OXCT1: variants seen among roughly 807,000 people sequenced by gnomAD.
OXCT1 encodes the protein succinyl-CoA:3-ketoacid coenzyme A transferase 1, mitochondrial.
Under a neutral mutation model 69.6 loss-of-function variants are expected in OXCT1, and 27 were observed. The ratio of observed to expected loss-of-function variants is 0.39; its 90% CI spans 0.29 to 0.54. The LOEUF is 0.54. OXCT1 is among the 20% of genes least tolerant of loss of function. The pLI is 0.72. For missense variants in OXCT1, 437 were observed against 650.2 expected, an observed-to-expected ratio of 0.67 and a Z score of 3.57; for synonymous variants, 202 against 217.8, an observed-to-expected ratio of 0.93 and a Z score of 0.64.
intron 13 of OXCT1, among the ~76,000 whole-genome samples, chr5:41,763,637 T>C (rs1239112559): frequency 6.6e-6 from 1 of 152,088 alleles, no homozygotes; most frequent in Non-Finnish European, 1.5e-5. Flanking sequence ...ATAAAATGTG[T>C]CAATCTGCTA....
At chr5:41,848,900 A>C (rs945614001) in intron 5 of OXCT1, among the ~76,000 whole-genome samples, 4 of 152,226 alleles carry the variant, frequency 2.6e-5, no homozygotes, top group Non-Finnish European at 5.9e-5. Flanking sequence ...TAAAACACCA[A>C]AAGCAATGGC....
chr5:41,869,250 A>G (rs1412775545), intron 1 of OXCT1, among the ~76,000 whole-genome samples: 2 of 152,196 alleles, frequency 1.3e-5, no homozygotes, highest in Non-Finnish European at 2.9e-5. Context: ...TGCAGGAAAG[A>G]GCAATGGGGC....
At chr5:41,800,407 C>T (rs1478774577) in intron 11 of OXCT1, among the ~76,000 whole-genome samples, 1 of 151,874 alleles carries the variant, frequency 6.6e-6, no homozygotes, top group East Asian at 2.0e-4. Context: ...TGGATTCACT[C>T]CCACCCTTCT....
chr5:41,799,181 A>T (rs149954923), intron 11 of OXCT1, among the ~76,000 whole-genome samples: 54 of 152,004 alleles, frequency 3.6e-4, no homozygotes, highest in African/African-American at 1.3e-3. Context: ...CTTTGTATTC[A>T]AAGAGATTTC....
chr5:41,811,670 A>T (rs1388833708), intron 7 of OXCT1, among the ~76,000 whole-genome samples: 1 of 152,032 alleles, frequency 6.6e-6, no homozygotes, highest in Non-Finnish European at 1.5e-5. Flanking sequence ...AGATGTCTAT[A>T]AGGAAATGCA....
At position 41,861,521 on chromosome 5, in the gene OXCT1, A is replaced by T. The variant is rs141686747; in HGVS notation, c.188-117T>A. The T allele has an allele frequency of 1.0e-3, 772 of 752,260 alleles. 5 individuals carry two copies. Among genetic ancestry groups the T allele is most frequent in the Middle Eastern group, 2.1e-3 (6 of 2,914 alleles). 46.6% of individuals were successfully genotyped at this position (752,260 alleles called of 1,614,324 possible). A position where few individuals can be genotyped will look rare whatever the true frequency, so the allele number is the denominator to read the frequency against. ...AACAAAGCACATTATTAGATCTACT[A>T]AGCAAAATACACAGATATATCTCAG... On this transcript the variant is annotated intron_variant, in intron 2 of 16. Coordinates refer to ENST00000196371, the MANE Select transcript of OXCT1 (RefSeq NM_000436.4).
At chr5:41,823,304 A>G (rs1051611078) in intron 7 of OXCT1, among the ~76,000 whole-genome samples, 2 of 152,162 alleles carry the variant, frequency 1.3e-5, no homozygotes, top group African/African-American at 4.8e-5. Context: ...CCAGAAGCAC[A>G]AGGAAATTTT....
intron 13 of OXCT1, among the ~76,000 whole-genome samples, chr5:41,778,505 T>C (rs1745233572): frequency 6.6e-6 from 1 of 152,220 alleles, no homozygotes; most frequent in Non-Finnish European, 1.5e-5. Context: ...GCTTTCATAA[T>C]GTGAATTTAT....
At chr5:41,851,580 A>C (rs1749175702) in intron 4 of OXCT1, among the ~76,000 whole-genome samples, 1 of 151,272 alleles carries the variant, frequency 6.6e-6, no homozygotes, top group Non-Finnish European at 1.5e-5. Context: ...CCACCAAAGA[A>C]CTCCTGATCC....
chr5:41,758,091 AAC>A (rs1387639751), intron 14 of OXCT1, among the ~76,000 whole-genome samples: 2 of 152,074 alleles, frequency 1.3e-5, no homozygotes, highest in African/African-American at 4.8e-5. Flanking sequence ...AACAGGGATA[AAC>A]AGAGTAGAAA....
intron 3 of OXCT1, chr5:41,853,771 A>G (rs965577709): frequency 1.6e-6 from 1 of 644,740 alleles, no homozygotes; most frequent in African/African-American, 1.8e-5. Context: ...AGTTTAAGTT[A>G]TTTTTTTGTG....
At chr5:41,813,964 T>G (rs1004414395) in intron 7 of OXCT1, among the ~76,000 whole-genome samples, 6 of 152,120 alleles carry the variant, frequency 3.9e-5, no homozygotes, top group Admixed American at 3.9e-4. Flanking sequence ...TGATTTTTAT[T>G]TGGCATCCCA....
intron 5 of OXCT1, among the ~76,000 whole-genome samples, chr5:41,848,696 T>C (rs1341905634): frequency 2.0e-5 from 3 of 151,906 alleles, no homozygotes; most frequent in Admixed American, 1.3e-4. Flanking sequence ...GGATTCCCTA[T>C]TTAATAAATG....
chr5:41,793,919 G>A lies in OXCT1; in HGVS notation c.1248+84C>T, dbSNP rs968041075. ...TAAAATATTTCATTTTTAAAGAATC[G>A]TGATCTCATGGCCCTTTTTCTTAGT... On this transcript the variant is annotated intron_variant, in intron 13 of 16. Coordinates refer to ENST00000196371, the MANE Select transcript of OXCT1 (RefSeq NM_000436.4). 115 of 827,314 alleles carry A rather than the reference G, an allele frequency of 1.4e-4. 1 individual carries two copies. The Admixed American group carries it at 1.8e-3, about 13-fold the overall frequency. The allele number at this position is 827,314 out of a possible 1,614,324, so 51.2% of individuals were successfully genotyped here.
intron 14 of OXCT1, 116 bp downstream of exon 14, chr5:41,761,995 C>A (rs1744372027): frequency 1.3e-6 from 1 of 768,808 alleles, no homozygotes; most frequent in African/African-American, 1.7e-5. Flanking sequence ...TAAATGCTAT[C>A]ACCTTGAATG....
At chr5:41,767,045 A>C (rs1744638678) in intron 13 of OXCT1, among the ~76,000 whole-genome samples, 1 of 152,158 alleles carries the variant, frequency 6.6e-6, no homozygotes, top group African/African-American at 2.4e-5. Context: ...TGCTCTAGAA[A>C]AGAAATAGTC....
At chr5:41,846,231 C>T (rs1317454079) in intron 5 of OXCT1, among the ~76,000 whole-genome samples, 9 of 150,092 alleles carry the variant, frequency 6.0e-5, no homozygotes, top group African/African-American at 1.2e-4. Flanking sequence ...GCTGCACCCA[C>T]TAACTCGTCA....
chr5:41,749,333 T>C (rs1220654639), intron 15 of OXCT1, among the ~76,000 whole-genome samples, 194 bp downstream of exon 15: 1 of 152,112 alleles, frequency 6.6e-6, no homozygotes, highest in Non-Finnish European at 1.5e-5. Flanking sequence ...TTCAGTTTTG[T>C]TTGCATGTTT....
At chr5:41,784,041 A>T (rs1745534205) in intron 13 of OXCT1, among the ~76,000 whole-genome samples, 1 of 152,180 alleles carries the variant, frequency 6.6e-6, no homozygotes, top group South Asian at 2.1e-4. Flanking sequence ...TGGCTTGCTA[A>T]TGAATTTGCT....
Sources: gnomAD v4.1 joint callset for allele counts (sites outside exome capture counted in the v4.1 genomes callset) on GRCh38, gnomAD v4.1.1 for gene constraint, MANE v1.5 for transcripts, NCBI Gene and HGNC (gene_info 2026-07-23, HGNC 2026-07-21) for gene names.